VPS53: variants seen among roughly 807,000 people sequenced by gnomAD.
VPS53 encodes the protein vacuolar protein sorting-associated protein 53 homolog.
A neutral mutation model predicts 107.0 loss-of-function variants in VPS53; 70 were observed. The observed-to-expected ratio is 0.65, with a 90% CI of 0.54 to 0.80. VPS53 has a LOEUF of 0.80. Among genes scored for constraint, VPS53 ranks in the 30% least tolerant of loss-of-function variants. VPS53 has a pLI of 0.00. For missense variants in VPS53, 917 were observed against 1,049.4 expected, an observed-to-expected ratio of 0.87 and a Z score of 1.74; for synonymous variants, 409 against 393.3, an observed-to-expected ratio of 1.04 and a Z score of -0.47.
intron 4 of VPS53, among the ~76,000 whole-genome samples, chr17:692,339 A>T (rs747349075): frequency 5.9e-5 from 9 of 152,052 alleles, no homozygotes; most frequent in Non-Finnish European, 1.0e-4. Context: ...ATTTAATTAA[A>T]GCTTTTGACT....
At position 713,950 on chromosome 17, in the gene VPS53, C is replaced by T. The variant is rs1973743554; in HGVS notation, c.87+673G>A. On this transcript the variant is annotated intron_variant, in intron 1 of 21. Coordinates refer to ENST00000437048, the MANE Select transcript of VPS53 (RefSeq NM_001128159.3). ...ATCACAGCTACTCAGGAGGCTGAGA[C>T]AGGAGAATCGCTTGAACTCGGGAGG... is the stretch of plus-strand genomic sequence containing the variant. Among the ~76,000 whole-genome samples, 4 of 147,366 alleles carry T rather than the reference C, an allele frequency of 2.7e-5. No individual in the cohort carries two copies. The South Asian group carries it at 8.5e-4, about 31-fold the overall frequency.
chr17:666,985 G>C (rs577208741), intron 4 of VPS53, among the ~76,000 whole-genome samples: 2 of 152,292 alleles, frequency 1.3e-5, no homozygotes, highest in South Asian at 4.1e-4. Context: ...ACCTTGACAA[G>C]AGCAGTCTCA....
chr17:612,713 T>C (rs1968947501), intron 11 of VPS53, among the ~76,000 whole-genome samples: 1 of 143,398 alleles, frequency 7.0e-6, no homozygotes, highest in Non-Finnish European at 1.5e-5. Flanking sequence ...TGTACAAATA[T>C]TCACATAGTT....
chr17:627,431 A>C, intron 9 of VPS53, 115 bp from the exon 10 acceptor site: 405 of 1,280,942 alleles, frequency 3.2e-4, no homozygotes, highest in Non-Finnish European at 4.0e-4. Flanking sequence ...TGTATTTCTC[A>C]TGGTTTTAAA....
chr17:612,887 C>G (rs1191187950), intron 11 of VPS53, among the ~76,000 whole-genome samples: 5 of 151,388 alleles, frequency 3.3e-5, no homozygotes, highest in African/African-American at 1.2e-4. Flanking sequence ...AAAACCTGTA[C>G]AAATATTCAC....
intron 19 of VPS53, among the ~76,000 whole-genome samples, chr17:530,583 A>G (rs1026840794): frequency 2.6e-5 from 4 of 152,168 alleles, no homozygotes; most frequent in Admixed American, 6.5e-5. Context: ...TCTTTTAAAA[A>G]TATTGTATTT....
intron 1 of VPS53, 163 bp downstream of exon 1, chr17:714,460 G>A (rs1039422403): frequency 6.3e-6 from 4 of 635,260 alleles, no homozygotes; most frequent in African/African-American, 3.7e-5. Flanking sequence ...CTTTCCTTCT[G>A]ATTCAGAAAC....
intron 13 of VPS53, among the ~76,000 whole-genome samples, chr17:579,139 C>T (rs998121809): frequency 6.7e-6 from 1 of 150,076 alleles, no homozygotes; most frequent in East Asian, 2.1e-4. Context: ...GAACCTAATG[C>T]GTTCCCAGAG....
chr17:547,691 G>C (rs146537356), intron 17 of VPS53, among the ~76,000 whole-genome samples: 1 of 152,168 alleles, frequency 6.6e-6, no homozygotes, highest in African/African-American at 2.4e-5. Context: ...AGGCTGGAGT[G>C]CAGTGCTGCA....
chr17:598,357 G>A (rs1009839078), intron 12 of VPS53, among the ~76,000 whole-genome samples: 2 of 152,064 alleles, frequency 1.3e-5, no homozygotes, highest in African/African-American at 4.8e-5. Context: ...AAAGTGCCGA[G>A]ATTGCAGCCT....
chr17:624,994 T>C (rs1195251431), intron 10 of VPS53, among the ~76,000 whole-genome samples: 1 of 126,536 alleles, frequency 7.9e-6, no homozygotes, highest in African/African-American at 2.8e-5. Context: ...TTCTCTCTCT[T>C]CTTTTTTTTT....
At position 631,543 on chromosome 17, in the gene VPS53, G is replaced by A. The variant is rs754127438; in HGVS notation, c.687+7C>T. ...TCTCTAAAGACTGGGGAAACGCAAAGCAGTACCTTGGTGCCCTGGGAAGGA... is the reference window on the plus strand; with the variant it reads ...TCTCTAAAGACTGGGGAAACGCAAAACAGTACCTTGGTGCCCTGGGAAGGA... On this transcript the variant is annotated splice_region_variant and intron_variant, in intron 8 of 21. Coordinates refer to ENST00000437048, the MANE Select transcript of VPS53 (RefSeq NM_001128159.3). 42 of 1,613,782 alleles carry A rather than the reference G, an allele frequency of 2.6e-5. No homozygotes were observed. Among genetic ancestry groups the A allele is most frequent in the Non-Finnish European group, 3.5e-5 (41 of 1,179,870 alleles).
chr17:553,758 T>C (rs1020442535), intron 15 of VPS53, among the ~76,000 whole-genome samples: 7 of 151,920 alleles, frequency 4.6e-5, no homozygotes, highest in Non-Finnish European at 7.4e-5. Context: ...TTAGTAGAGA[T>C]GGGGTTTCAC....
intron 13 of VPS53, among the ~76,000 whole-genome samples, chr17:568,733 T>C (rs747663783): frequency 1.3e-5 from 2 of 152,176 alleles, no homozygotes; most frequent in Non-Finnish European, 1.5e-5. Flanking sequence ...CTGAGCATGC[T>C]AGGACCCAAA....
chr17:687,240 C>T (rs1036250518), intron 4 of VPS53, among the ~76,000 whole-genome samples: 2 of 149,084 alleles, frequency 1.3e-5, no homozygotes, highest in African/African-American at 2.5e-5. Context: ...GAGCAGAGAT[C>T]GTAACACGGC....
rs143913446 is a variant in VPS53 at position 551,907 on chromosome 17, C to T, written c.1831G>A (p.Ala611Thr). Reference protein sequence around the residue: ...SIQLLVQDLDAACDPALTAMS... With the variant: ...SIQLLVQDLDTACDPALTAMS... ...GCAGTCAGGGCAGGATCACAGGCAG[C>T]ATCCAGATCCTGAACCAGCAGCTGA... Residue 611 changes from alanine (A) to threonine (T), a missense_variant, in exon 17 of 22, where the codon GCT becomes ACT. Transcript: ENST00000437048. The T allele has an allele frequency of 3.6e-5, 58 of 1,605,130 alleles. No individual in the cohort carries two copies. The African/African-American group carries it at 7.6e-4, about 21-fold the overall frequency.
intron 11 of VPS53, among the ~76,000 whole-genome samples, chr17:608,401 T>C (rs1422254030): frequency 6.6e-6 from 1 of 152,150 alleles, no homozygotes; most frequent in African/African-American, 2.4e-5. Flanking sequence ...TGGGCAACAC[T>C]TTCTATTTTC....
intron 15 of VPS53, among the ~76,000 whole-genome samples, chr17:554,421 G>A (rs565075520): frequency 7.8e-4 from 118 of 150,956 alleles, no homozygotes; most frequent in African/African-American, 2.8e-3. Flanking sequence ...CTTTTTTTTT[G>A]AGACGGAGTT....
At chr17:602,935 G>A (rs527998830) in intron 11 of VPS53, among the ~76,000 whole-genome samples, 1 of 152,182 alleles carries the variant, frequency 6.6e-6, no homozygotes, top group Non-Finnish European at 1.5e-5. Context: ...AGGGAAGGGG[G>A]CAAGGCATGG....
Sources: gnomAD v4.1 joint callset for allele counts (sites outside exome capture counted in the v4.1 genomes callset) on GRCh38, gnomAD v4.1.1 for gene constraint, MANE v1.5 for transcripts, NCBI Gene and HGNC (gene_info 2026-07-23, HGNC 2026-07-21) for gene names.